Variants in MEIKIN observed in about 807,000 individuals in gnomAD.
MEIKIN encodes meiosis-specific kinetochore protein.
At chr5:131,940,175 G>T (rs1751845555) in intron 4 of MEIKIN, among the ~76,000 whole-genome samples, 1 of 152,174 alleles carries the variant, frequency 6.6e-6, no homozygotes, top group South Asian at 2.1e-4. Context: ...AAAAAGAGAA[G>T]TCAGAAGAGG....
In MEIKIN at chr5:131,914,155, C is replaced by A. The variant is rs558618497; in HGVS notation, c.639-2276G>T. 3.9e-5 allele frequency among the ~76,000 whole-genome samples: 6 copies of A among 152,168 alleles called. No individual in the cohort carries two copies. The South Asian group carries it at 1.2e-3, about 32-fold the overall frequency. Reference sequence around the variant, plus strand: ...GCCACCTCGGGACTCTGCAGAGAGTCCCCATCAGCAAGAAGGCCCTCACTA... The same window carrying A: ...GCCACCTCGGGACTCTGCAGAGAGTACCCATCAGCAAGAAGGCCCTCACTA... On this transcript the variant is annotated intron_variant, in intron 7 of 12. Transcript: ENST00000442687.
chr5:131,890,953 T>C (rs1015533782), intron 8 of MEIKIN, among the ~76,000 whole-genome samples: 6 of 152,234 alleles, frequency 3.9e-5, no homozygotes, highest in African/African-American at 1.4e-4. Context: ...CATCTTTATT[T>C]CTGCCTTCAT....
chr5:131,841,132 C>A (rs1292702566), intron 11 of MEIKIN, among the ~76,000 whole-genome samples: 1 of 152,114 alleles, frequency 6.6e-6, no homozygotes, highest in African/African-American at 2.4e-5. Context: ...GCTCCCAACT[C>A]CTGAAATGCA....
At chr5:131,876,945 G>A (rs1263372707) in intron 9 of MEIKIN, among the ~76,000 whole-genome samples, 1 of 146,198 alleles carries the variant, frequency 6.8e-6, no homozygotes, top group South Asian at 2.3e-4. Flanking sequence ...GAATTGAACA[G>A]TGAGAACACA....
In MEIKIN at chr5:131,945,367, TGAGCTTACGGTGGGC is replaced by T. The variant is rs1444866051; in HGVS notation, c.106+18_106+32del. 2.0e-5 allele frequency: 8 copies of T among 398,846 alleles called. No homozygotes were observed. The highest frequency in any genetic ancestry group is 3.1e-5 in the Non-Finnish European group (7 of 226,040). The allele number at this position is 398,846 out of a possible 1,614,324, so 24.7% of individuals were successfully genotyped here. A position where few individuals can be genotyped will look rare whatever the true frequency, so the allele number is the denominator to read the frequency against. On this transcript the variant is annotated intron_variant, in intron 1 of 12. Coordinates refer to ENST00000442687, the MANE Select transcript of MEIKIN (RefSeq NM_001303622.2). ...GGTCCCGTCCCGGAGGCAGCTCGGC[TGAGCTTACGGTGGGC>T]GAGCCTTGAGCCTGTACCTGGCGGG...
intron 4 of MEIKIN, among the ~76,000 whole-genome samples, chr5:131,941,309 C>T (rs593249): frequency 0.083 from 12,173 of 147,056 alleles, 774 homozygotes; most frequent in East Asian, 0.18. Flanking sequence ...CAGGCGCCTG[C>T]CACCACGCCT....
At chr5:131,830,775 G>A (rs1000111963) in intron 11 of MEIKIN, among the ~76,000 whole-genome samples, 1 of 152,160 alleles carries the variant, frequency 6.6e-6, no homozygotes, top group Non-Finnish European at 1.5e-5. Flanking sequence ...CTGTGACAAA[G>A]TAAGCCACAA....
At chr5:131,862,789 T>G (rs1750310244) in intron 9 of MEIKIN, among the ~76,000 whole-genome samples, 1 of 152,224 alleles carries the variant, frequency 6.6e-6, no homozygotes, top group Non-Finnish European at 1.5e-5. Context: ...CTCAAACTTT[T>G]GGGCTCAAAT....
intron 6 of MEIKIN, among the ~76,000 whole-genome samples, chr5:131,919,781 G>C (rs959442949): frequency 2.0e-5 from 3 of 152,280 alleles, no homozygotes; most frequent in African/African-American, 7.2e-5. Flanking sequence ...AAGTGAGAAA[G>C]GGGTAGAAAG....
chr5:131,854,784 A>C lies in MEIKIN; in HGVS notation c.825T>G (p.Ser275Arg). ...PGKKNRGLLT[S>R]TPSSETAGFV... is the part of the protein sequence containing the mutation. ...AACCAGCTGTCTCTGAAGATGGAGT[A>C]CTTGTTAAAAGGCCTCTGTTTTTCT... Residue 275 changes from serine to arginine, a missense_variant, in exon 10 of 13, where the codon AGT (serine) becomes AGG (arginine). Transcript: ENST00000442687. The C allele has an allele frequency of 2.5e-6, 1 of 397,966 alleles. No homozygotes were observed. The allele number at this position is 397,966 out of a possible 1,614,324, so 24.7% of individuals were successfully genotyped here.
intron 12 of MEIKIN, among the ~76,000 whole-genome samples, 158 bp downstream of exon 12, chr5:131,818,582 A>G (rs1005018225): frequency 6.6e-6 from 1 of 152,122 alleles, no homozygotes; most frequent in Admixed American, 6.5e-5. Flanking sequence ...CACTGAGTCC[A>G]CCCCTGACCA....
intron 11 of MEIKIN, among the ~76,000 whole-genome samples, chr5:131,850,305 A>T (rs1750090149): frequency 6.6e-6 from 1 of 152,202 alleles, no homozygotes; most frequent in African/African-American, 2.4e-5. Context: ...AACCCCAATG[A>T]TGTTTATTGC....
Position 131,813,029 on chromosome 5 carries a change from T to C in MEIKIN, c.1099+5711A>G, listed in dbSNP as rs921384885. On this transcript the variant is annotated intron_variant, in intron 12 of 12. Coordinates refer to ENST00000442687, the MANE Select transcript of MEIKIN (RefSeq NM_001303622.2). The stretch of plus-strand genomic sequence containing the variant: ...TACCAAGTCATAAATTTGGTGTTAA[T>C]GGCAGCACTCCATTATCAAATGGAA... Among the ~76,000 whole-genome samples the C allele has an allele frequency of 2.6e-5, 4 of 152,368 alleles. No individual in the cohort carries two copies. In the East Asian group the frequency reaches 7.7e-4, roughly 29 times the overall value.
chr5:131,926,449 T>G (rs1204940504), intron 5 of MEIKIN, among the ~76,000 whole-genome samples: 2 of 152,210 alleles, frequency 1.3e-5, no homozygotes, highest in Non-Finnish European at 1.5e-5. Flanking sequence ...AGTATTTTGT[T>G]GAGGATTTTT....
chr5:131,812,943 A>G (rs1773024620), intron 12 of MEIKIN, among the ~76,000 whole-genome samples: 1 of 152,244 alleles, frequency 6.6e-6, no homozygotes, highest in Non-Finnish European at 1.5e-5. Flanking sequence ...GCACTTAATC[A>G]TAGGCCATCA....
chr5:131,872,000 G>A (rs75380196), intron 9 of MEIKIN, among the ~76,000 whole-genome samples: 3 of 152,004 alleles, frequency 2.0e-5, no homozygotes, highest in Non-Finnish European at 2.9e-5. Flanking sequence ...CCATCCGTAC[G>A]TCACCATCAT....
At chr5:131,838,739 C>T (rs1264166722) in intron 11 of MEIKIN, among the ~76,000 whole-genome samples, 2 of 151,866 alleles carry the variant, frequency 1.3e-5, no homozygotes, top group Non-Finnish European at 2.9e-5. Flanking sequence ...TGGCTCCTAT[C>T]TCTTTTCTCT....
chr5:131,931,762 T>C (rs976627869), intron 5 of MEIKIN, among the ~76,000 whole-genome samples: 5 of 152,238 alleles, frequency 3.3e-5, no homozygotes, highest in Admixed American at 2.0e-4. Context: ...TGCTGTTGAA[T>C]TGGTGTGTCC....
Position 131,889,318 on chromosome 5 carries a change from T to C in MEIKIN, c.704-10270A>G, listed in dbSNP as rs1325450669. On this transcript the variant is annotated intron_variant, in intron 8 of 12. Coordinates refer to ENST00000442687, the MANE Select transcript of MEIKIN (RefSeq NM_001303622.2). ...ACCTGGGGCAGTATGGCCACTTTCA[T>C]GATATTGATTCTTCCTACCCACGAG... 3.9e-5 allele frequency among the ~76,000 whole-genome samples: 6 copies of C among 152,260 alleles called. No homozygotes were observed. In the East Asian group the frequency reaches 5.8e-4, roughly 15 times the overall value.
Sources: allele counts gnomAD v4.1 joint callset (sites outside exome capture counted in the v4.1 genomes callset), GRCh38; gene constraint gnomAD v4.1.1; transcripts MANE v1.5; gene names NCBI Gene and HGNC (gene_info 2026-07-23, HGNC 2026-07-21).